Variants in PPARGC1A observed in about 807,000 individuals in gnomAD.
The protein encoded by PPARGC1A is peroxisome proliferator-activated receptor gamma coactivator 1-alpha.
Under a neutral mutation model 88.7 loss-of-function variants are expected in PPARGC1A, and 25 were observed. That is an observed-to-expected ratio of 0.28 (90% CI 0.21 to 0.39). The LOEUF is 0.39. Among genes scored for constraint, PPARGC1A ranks in the 10% least tolerant of loss-of-function variants. The probability of loss-of-function intolerance (pLI) is 1.00; values close to 1 mark genes in which losing one functional copy is unlikely to be tolerated. For missense variants in PPARGC1A, 880 were observed against 968.7 expected (o/e 0.91, Z 1.22); for synonymous variants, 363 against 355.6 (o/e 1.02, Z -0.24).
At chr4:24,364,304 A>G in the PPARGC1A span, among the ~76,000 whole-genome samples, 2 of 152,208 alleles carry the variant, frequency 1.3e-5, no homozygotes, top group African/African-American at 4.8e-5. Flanking sequence ...TTCTCTATGA[A>G]TTAATACATG....
chr4:24,216,904 A>C, the PPARGC1A span, among the ~76,000 whole-genome samples: 17 of 152,288 alleles, frequency 1.1e-4, no homozygotes, highest in African/African-American at 4.1e-4. Flanking sequence ...CTGTGTCTTC[A>C]TCCTAAAATG....
At chr4:24,319,068 T>C in the PPARGC1A span, among the ~76,000 whole-genome samples, 1 of 152,162 alleles carries the variant, frequency 6.6e-6, no homozygotes, top group African/African-American at 2.4e-5. Context: ...GAAACTCGGC[T>C]GAGTGCGGTG....
At chr4:24,124,669 A>T in the PPARGC1A span, among the ~76,000 whole-genome samples, 2 of 148,312 alleles carry the variant, frequency 1.3e-5, no homozygotes, top group African/African-American at 4.9e-5. Flanking sequence ...AGGTAGAAGC[A>T]TTTTTTTTTT....
chr4:23,910,290 T>TATATTA, the PPARGC1A span, among the ~76,000 whole-genome samples: 47 of 72,096 alleles, frequency 6.5e-4, no homozygotes, highest in Non-Finnish European at 1.1e-3. Flanking sequence ...TATATATTAT[T>TATATTA]ATATATATTA....
At chr4:23,928,659 T>C in the PPARGC1A span, among the ~76,000 whole-genome samples, 6 of 151,402 alleles carry the variant, frequency 4.0e-5, no homozygotes, top group Middle Eastern at 3.4e-3. Context: ...CATATGTTCA[T>C]TGCAGCACTA....
the PPARGC1A span, among the ~76,000 whole-genome samples, chr4:24,462,389 G>A: frequency 7.9e-5 from 12 of 151,860 alleles, 1 homozygote; most frequent in South Asian, 4.2e-4. Flanking sequence ...GAGCCACCGC[G>A]CCTGGCCAGC....
chr4:23,878,998 T>TA (rs1715369061), intron 2 of PPARGC1A, among the ~76,000 whole-genome samples: 1 of 152,222 alleles, frequency 6.6e-6, no homozygotes. Context: ...TAAGTGTCAT[T>TA]ACCAAGTGTG....
At chr4:24,301,277 T>C in the PPARGC1A span, among the ~76,000 whole-genome samples, 1 of 152,266 alleles carries the variant, frequency 6.6e-6, no homozygotes, top group African/African-American at 2.4e-5. Flanking sequence ...GGATTTTATC[T>C]GGCAAAACCA....
the PPARGC1A span, among the ~76,000 whole-genome samples, chr4:24,450,747 A>C: frequency 6.6e-6 from 1 of 152,214 alleles, no homozygotes; most frequent in Admixed American, 6.5e-5. Flanking sequence ...AGATGCCTAC[A>C]GACATCTTTG....
the PPARGC1A span, among the ~76,000 whole-genome samples, chr4:24,337,374 C>T: frequency 6.6e-6 from 1 of 152,308 alleles, no homozygotes; most frequent in African/African-American, 2.4e-5. Context: ...ATTTGCCAGG[C>T]CCTGTGCCAG....
At chr4:23,814,728 G>C (rs1157160210) in intron 7 of PPARGC1A, 123 bp from the exon 8 acceptor site, 1 of 912,868 alleles carries the variant, frequency 1.1e-6, no homozygotes, top group African/African-American at 1.7e-5. Flanking sequence ...GGTTCAAACT[G>C]AGTGAAGAAG....
chr4:23,886,817 G>C (rs764460111), intron 1 of PPARGC1A, among the ~76,000 whole-genome samples: 2 of 148,836 alleles, frequency 1.3e-5, no homozygotes, highest in Non-Finnish European at 3.0e-5. Flanking sequence ...CTTTTTCAAC[G>C]GTGCAAGATA....
the PPARGC1A span, among the ~76,000 whole-genome samples, chr4:24,198,448 G>A: frequency 1.3e-5 from 2 of 152,176 alleles, no homozygotes; most frequent in East Asian, 1.9e-4. Flanking sequence ...TGCTCCAGCT[G>A]TTTCTCCTAG....
chr4:24,149,033 C>T, the PPARGC1A span, among the ~76,000 whole-genome samples: 2 of 152,134 alleles, frequency 1.3e-5, no homozygotes, highest in Non-Finnish European at 2.9e-5. Context: ...GGGTGGTCTT[C>T]TCTTTCACTA....
chr4:24,132,248 T>A, the PPARGC1A span, among the ~76,000 whole-genome samples: 1 of 152,052 alleles, frequency 6.6e-6, no homozygotes, highest in Non-Finnish European at 1.5e-5. Flanking sequence ...AGGCCACATC[T>A]TCCAGTCCTC....
At chr4:23,873,989 T>C (rs1291669389) in intron 2 of PPARGC1A, among the ~76,000 whole-genome samples, 2 of 152,178 alleles carry the variant, frequency 1.3e-5, no homozygotes, top group East Asian at 3.9e-4. Flanking sequence ...TCAACAGTAA[T>C]ATCAACTTTA....
the PPARGC1A span, among the ~76,000 whole-genome samples, chr4:24,312,421 G>T: frequency 1.3e-5 from 2 of 151,328 alleles, no homozygotes; most frequent in African/African-American, 4.9e-5. Context: ...AATCACTTAG[G>T]TGAAAGAAGA....
the PPARGC1A span, among the ~76,000 whole-genome samples, chr4:23,965,103 C>T: frequency 6.6e-6 from 1 of 152,118 alleles, no homozygotes; most frequent in Admixed American, 6.5e-5. Context: ...GACCATCCCC[C>T]GTATCTGACC....
chr4:24,102,483 T>C, the PPARGC1A span, among the ~76,000 whole-genome samples: 1 of 152,234 alleles, frequency 6.6e-6, no homozygotes, highest in African/African-American at 2.4e-5. Context: ...TAATAGCTCC[T>C]GAGGCCCTGT....
Sources: gnomAD v4.1 joint callset for allele counts (sites outside exome capture counted in the v4.1 genomes callset) on GRCh38, gnomAD v4.1.1 for gene constraint, MANE v1.5 for transcripts, NCBI Gene and HGNC (gene_info 2026-07-23, HGNC 2026-07-21) for gene names.